Variants in CNTN5 observed in about 807,000 individuals in gnomAD.
CNTN5 encodes contactin-5.
In CNTN5, 77 loss-of-function variants were observed where a neutral mutation model predicts 129.1. The observed-to-expected ratio is 0.60, with a 90% CI of 0.50 to 0.72. The LOEUF is 0.72. CNTN5 is among the 30% of genes least tolerant of loss of function. The pLI is 0.00. For synonymous variants in CNTN5, 509 were observed against 465.6 expected, an observed-to-expected ratio of 1.09 and a Z score of -1.20; for missense variants, 1,478 against 1,328.8, an observed-to-expected ratio of 1.11 and a Z score of -1.75.
At chr11:100,229,595 C>T (rs539839722) in intron 16 of CNTN5, among the ~76,000 whole-genome samples, 8 of 152,304 alleles carry the variant, frequency 5.3e-5, no homozygotes, top group African/African-American at 1.7e-4. Context: ...GATGCAAGTA[C>T]TATCACTTTC....
chr11:99,836,735 T>C (rs925980565), intron 4 of CNTN5, among the ~76,000 whole-genome samples: 5 of 152,204 alleles, frequency 3.3e-5, no homozygotes, highest in South Asian at 2.1e-4. Flanking sequence ...TCCACAATGG[T>C]TGAACTAGTT....
At chr11:99,770,943 C>T (rs1466938605) in intron 3 of CNTN5, among the ~76,000 whole-genome samples, 2 of 152,078 alleles carry the variant, frequency 1.3e-5, no homozygotes, top group South Asian at 2.1e-4. Flanking sequence ...GAGTATGGTA[C>T]TGGCATAAAA....
intron 6 of CNTN5, among the ~76,000 whole-genome samples, chr11:99,856,888 C>T (rs960371458): frequency 6.6e-6 from 1 of 152,096 alleles, no homozygotes; most frequent in Non-Finnish European, 1.5e-5. Context: ...GTATTTCATG[C>T]TCATTTATGA....
At chr11:100,233,281 T>C (rs1207240700) in intron 16 of CNTN5, among the ~76,000 whole-genome samples, 1 of 150,924 alleles carries the variant, frequency 6.6e-6, no homozygotes, top group African/African-American at 2.4e-5. Context: ...AGGGAAAGAG[T>C]AGGGTAAAAG....
chr11:99,211,421 T>C (rs1859777146), intron 1 of CNTN5, among the ~76,000 whole-genome samples: 1 of 152,132 alleles, frequency 6.6e-6, no homozygotes, highest in African/African-American at 2.4e-5. Flanking sequence ...CTTCCAGTAG[T>C]ACTTTTTAAA....
chr11:100,069,674 T>C (rs1215694530), intron 10 of CNTN5, among the ~76,000 whole-genome samples: 3 of 152,126 alleles, frequency 2.0e-5, no homozygotes, highest in Non-Finnish European at 2.9e-5. Flanking sequence ...TATTTTACAG[T>C]TTTTGCCAAA....
chr11:99,131,944 C>T (rs1247655134), intron 1 of CNTN5, among the ~76,000 whole-genome samples: 1 of 151,896 alleles, frequency 6.6e-6, no homozygotes, highest in Non-Finnish European at 1.5e-5. Flanking sequence ...AGAGATGCAA[C>T]AAAAAAAGAT....
intron 1 of CNTN5, among the ~76,000 whole-genome samples, chr11:99,165,361 G>T (rs547320826): frequency 6.0e-4 from 92 of 152,242 alleles, no homozygotes; most frequent in African/African-American, 1.8e-3. Flanking sequence ...GTACAACCAA[G>T]TAATATTATT....
At chr11:100,287,586 C>G (rs1395052583) in intron 18 of CNTN5, among the ~76,000 whole-genome samples, 3 of 149,706 alleles carry the variant, frequency 2.0e-5, no homozygotes, top group Admixed American at 6.7e-5. Flanking sequence ...CAGGCCTGCC[C>G]TAAAAGAGCT....
chr11:99,577,533 T>C (rs947369079), intron 3 of CNTN5, among the ~76,000 whole-genome samples: 7 of 152,204 alleles, frequency 4.6e-5, no homozygotes, highest in Non-Finnish European at 8.8e-5. Context: ...CTTATGCTAA[T>C]ATTGTAGTTT....
intron 1 of CNTN5, among the ~76,000 whole-genome samples, chr11:99,223,782 C>T (rs1386727719): frequency 6.6e-6 from 1 of 152,128 alleles, no homozygotes; most frequent in African/African-American, 2.4e-5. Flanking sequence ...TCATTTATAG[C>T]TTCATCACAT....
At chr11:99,936,491 A>G (rs956751285) in intron 7 of CNTN5, among the ~76,000 whole-genome samples, 8 of 102,926 alleles carry the variant, frequency 7.8e-5, no homozygotes, top group African/African-American at 3.4e-4. Context: ...CTTAGCAACA[A>G]GTAGTCTTTT....
At chr11:100,290,935 A>C (rs1220191978) in intron 18 of CNTN5, among the ~76,000 whole-genome samples, 1 of 152,030 alleles carries the variant, frequency 6.6e-6, no homozygotes, top group African/African-American at 2.4e-5. Flanking sequence ...ACCCCATCAA[A>C]CAGTGGGCAA....
At chr11:99,963,000 G>A (rs1052000430) in intron 8 of CNTN5, among the ~76,000 whole-genome samples, 1 of 151,896 alleles carries the variant, frequency 6.6e-6, no homozygotes, top group African/African-American at 2.4e-5. Context: ...CTTTTTGATG[G>A]GGTTGTTTGT....
At chr11:99,864,456 T>C (rs549185292) in intron 6 of CNTN5, among the ~76,000 whole-genome samples, 1 of 152,238 alleles carries the variant, frequency 6.6e-6, no homozygotes, top group East Asian at 1.9e-4. Flanking sequence ...TGCACCCTTT[T>C]TAGATGATGT....
chr11:99,048,154 T>G (rs1864289291), intron 1 of CNTN5, among the ~76,000 whole-genome samples: 1 of 152,070 alleles, frequency 6.6e-6, no homozygotes, highest in Non-Finnish European at 1.5e-5. Flanking sequence ...GAGTTCACAG[T>G]CAATGCACAA....
chr11:99,160,751 T>A (rs1003276361), intron 1 of CNTN5, among the ~76,000 whole-genome samples: 8 of 151,980 alleles, frequency 5.3e-5, no homozygotes, highest in Non-Finnish European at 1.0e-4. Context: ...CAAAGATGAG[T>A]AAGACACAGA....
rs77507824 is a variant in CNTN5, at chr11:99,777,907, G to T, written c.56-41637G>T. On this transcript the variant is annotated intron_variant, in intron 3 of 24. Transcript: ENST00000524871. ...ATATATAATACTACATGTGAAAGCA[G>T]TTTAACTGACAACCCCATTAAACAC... Among the ~76,000 whole-genome samples the T allele has an allele frequency of 8.2e-4, 124 of 151,958 alleles. 5 individuals carry two copies. The East Asian group carries it at 0.016, about 19-fold the overall frequency.
At chr11:99,249,836 G>A (rs1862010572) in intron 1 of CNTN5, among the ~76,000 whole-genome samples, 1 of 151,856 alleles carries the variant, frequency 6.6e-6, no homozygotes, top group Admixed American at 6.6e-5. Context: ...AAATAACATT[G>A]CAAGTATATT....
Sources: allele counts gnomAD v4.1 joint callset (sites outside exome capture counted in the v4.1 genomes callset), GRCh38; gene constraint gnomAD v4.1.1; transcripts MANE v1.5; gene names NCBI Gene and HGNC (gene_info 2026-07-23, HGNC 2026-07-21).